Variants in CGNL1 observed in about 807,000 individuals in gnomAD.
CGNL1 encodes the protein cingulin like 1.
In CGNL1, 132 loss-of-function variants were observed where a neutral mutation model predicts 141.2. The observed-to-expected ratio is 0.93, with a 90% CI of 0.81 to 1.08. The LOEUF is 1.08. Ranked by LOEUF, CGNL1 falls within the 50% of genes least tolerant of loss-of-function variation. The pLI is 0.00. For missense variants in CGNL1, 1,870 were observed against 1,588.6 expected (o/e 1.18, Z -3.01); for synonymous variants, 690 against 622.1 (o/e 1.11, Z -1.63).
intron 8 of CGNL1, among the ~76,000 whole-genome samples, chr15:57,509,096 T>C (rs1373403899): frequency 6.6e-6 from 1 of 152,174 alleles, no homozygotes; most frequent in Non-Finnish European, 1.5e-5. Flanking sequence ...GGACGCATTA[T>C]TGTGACCCGG....
chr15:57,515,078 A>G (rs2030659647), intron 8 of CGNL1, among the ~76,000 whole-genome samples: 2 of 152,212 alleles, frequency 1.3e-5, no homozygotes, highest in African/African-American at 4.8e-5. Flanking sequence ...TGGTCTGACC[A>G]GTTACTAGAT....
intron 14 of CGNL1, among the ~76,000 whole-genome samples, chr15:57,538,086 G>A (rs1390955746): frequency 6.6e-6 from 1 of 152,204 alleles, no homozygotes; most frequent in African/African-American, 2.4e-5. Flanking sequence ...CAAGTCAAGG[G>A]GCCTAGTCCT....
In CGNL1 at chr15:57,438,561, C is replaced by G. The variant is rs142688898; in HGVS notation, c.562C>G (p.Pro188Ala). 3 of 1,613,614 alleles carry G rather than the reference C, an allele frequency of 1.9e-6. No individual in the cohort carries two copies. Among genetic ancestry groups the G allele is most frequent in the African/African-American group, 2.7e-5 (2 of 74,928 alleles). Residue 188 changes from proline to alanine, a missense_variant, in exon 2 of 19, where the codon CCT becomes GCT. Physicochemically the swap from Pro to Ala is conservative, Grantham distance 27. Transcript: ENST00000281282. ...AGAAGAAGGCATCAACAATAAGAAG[C>G]CTTGGACTTGCTTTCCCAAACCTAG... ...LTEEGINNKK[P>A]WTCFPKPSNS...
intron 14 of CGNL1, among the ~76,000 whole-genome samples, chr15:57,537,093 C>G (rs540060761): frequency 1.4e-3 from 209 of 152,296 alleles, no homozygotes; most frequent in African/African-American, 4.8e-3. Flanking sequence ...ATAAGCACTG[C>G]TGCAAATGCT....
intron 8 of CGNL1, among the ~76,000 whole-genome samples, chr15:57,481,064 G>GTTTTTTTTTTTTTTTTTTTTTTTTT (rs11298152): frequency 8.6e-6 from 1 of 116,086 alleles, no homozygotes; most frequent in Non-Finnish European, 1.8e-5. Context: ...AAGACCTGGG[G>GTTTTTTTTTTTTTTTTTTTTTTTTT]TTTTTTTTTT....
rs1466614264 is a variant in CGNL1 at position 57,391,972 on chromosome 15, T to TC, written c.-16+15405_-16+15406insC. On this transcript the variant is annotated intron_variant, in intron 1 of 18. Coordinates refer to ENST00000281282, the MANE Select transcript of CGNL1 (RefSeq NM_032866.5). ...AAAATAAACACCTTCACATTTTTCTTTCCCCCCCCTCACCTGACACCATCA... is the reference window on the plus strand; with the variant it reads ...AAAATAAACACCTTCACATTTTTCTTCTCCCCCCCCTCACCTGACACCATCA... Among the ~76,000 whole-genome samples the TC allele has an allele frequency of 1.5e-3, 113 of 74,254 alleles. No homozygotes were observed. In the East Asian group the frequency reaches 0.026, roughly 17 times the overall value. The allele number at this position is 74,254 out of a possible 152,430, so 48.7% of individuals were successfully genotyped here. A position where few individuals can be genotyped will look rare whatever the true frequency, so the allele number is the denominator to read the frequency against.
At chr15:57,449,879 T>A (rs1220758228) in intron 4 of CGNL1, among the ~76,000 whole-genome samples, 2 of 152,216 alleles carry the variant, frequency 1.3e-5, no homozygotes, top group Admixed American at 1.3e-4. Flanking sequence ...TGCGTTTTGA[T>A]GGATTGGTAG....
At chr15:57,541,340 C>G (rs555393270) in intron 14 of CGNL1, among the ~76,000 whole-genome samples, 2 of 152,380 alleles carry the variant, frequency 1.3e-5, no homozygotes, top group African/African-American at 4.8e-5. Context: ...GTCCTCAGTC[C>G]CGTGGCCCAG....
Position 57,461,680 on chromosome 15 carries a change from G to A in CGNL1, c.2191G>A (p.Glu731Lys), listed in dbSNP as rs776388707. 15 of 1,613,568 alleles carry A rather than the reference G, an allele frequency of 9.3e-6. No individual in the cohort carries two copies. In the African/African-American group the frequency reaches 1.3e-4, roughly 14 times the overall value. Residue 731 changes from glutamate (E) to lysine (K), a missense_variant and splice_region_variant, in exon 8 of 19, where the codon GAG (glutamate) becomes AAG (lysine). Transcript: ENST00000281282. ...EDREKGALIE[E>K]LLQAKQDLQD... ...CTCCCTTCGTGTTTCCTCTCTCTAG[G>A]AGCTCTTACAGGCAAAACAGGATCT...
intron 8 of CGNL1, among the ~76,000 whole-genome samples, chr15:57,467,270 C>T (rs1240724961): frequency 6.6e-6 from 1 of 152,060 alleles, no homozygotes; most frequent in African/African-American, 2.4e-5. Context: ...ATAGGAATCC[C>T]TATAGGAGAC....
At chr15:57,480,768 G>A (rs1290268045) in intron 8 of CGNL1, among the ~76,000 whole-genome samples, 1 of 152,108 alleles carries the variant, frequency 6.6e-6, no homozygotes, top group East Asian at 1.9e-4. Flanking sequence ...AATTTATACA[G>A]CCTTCTAAAG....
intron 1 of CGNL1, among the ~76,000 whole-genome samples, chr15:57,421,047 A>G (rs1018453777): frequency 2.0e-5 from 3 of 152,198 alleles, no homozygotes; most frequent in Non-Finnish European, 4.4e-5. Context: ...GGGTTAGATT[A>G]GGTCATGAGG....
At chr15:57,454,457 G>A (rs1452719461) in intron 7 of CGNL1, among the ~76,000 whole-genome samples, 1 of 152,158 alleles carries the variant, frequency 6.6e-6, no homozygotes, top group Admixed American at 6.5e-5. Context: ...TTAAGTCTCA[G>A]TTGTCTACTG....
At chr15:57,497,551 T>A (rs2063958476) in intron 8 of CGNL1, among the ~76,000 whole-genome samples, 1 of 152,236 alleles carries the variant, frequency 6.6e-6, no homozygotes, top group Admixed American at 6.5e-5. Context: ...GGCCTGAACC[T>A]CTTCACTCTC....
intron 8 of CGNL1, among the ~76,000 whole-genome samples, chr15:57,477,848 G>A (rs1355607052): frequency 6.6e-6 from 1 of 152,164 alleles, no homozygotes; most frequent in African/African-American, 2.4e-5. Flanking sequence ...GCAGATGCCT[G>A]TGCTGTGTAC....
intron 13 of CGNL1, 44 bp from the exon 14 acceptor site, chr15:57,531,646 G>T (rs371207594): frequency 7.8e-7 from 1 of 1,280,490 alleles, no homozygotes; most frequent in Admixed American, 1.7e-5. Flanking sequence ...GTTAATCCCG[G>T]TCAGTGCAAG....
At chr15:57,391,308 G>A (rs866877792) in intron 1 of CGNL1, among the ~76,000 whole-genome samples, 3 of 152,230 alleles carry the variant, frequency 2.0e-5, no homozygotes, top group African/African-American at 7.2e-5. Context: ...TGACATAGGC[G>A]AAGCAGAATG....
intron 8 of CGNL1, among the ~76,000 whole-genome samples, chr15:57,468,027 A>G (rs2063531299): frequency 1.3e-5 from 2 of 152,054 alleles, no homozygotes; most frequent in Admixed American, 6.6e-5. Flanking sequence ...TGAGGTTTTT[A>G]TAGGCTGTCT....
intron 4 of CGNL1, among the ~76,000 whole-genome samples, chr15:57,449,577 G>A (rs1316110890): frequency 2.0e-5 from 3 of 152,096 alleles, no homozygotes; most frequent in Non-Finnish European, 4.4e-5. Context: ...ACTCAAAGAC[G>A]TCCATAGTTT....
Sources: allele counts gnomAD v4.1 joint callset (sites outside exome capture counted in the v4.1 genomes callset), GRCh38; gene constraint gnomAD v4.1.1; transcripts MANE v1.5; gene names NCBI Gene and HGNC (gene_info 2026-07-23, HGNC 2026-07-21).